The following RSBN1L variants were observed in gnomAD, a reference collection of about 807,000 sequenced individuals.
RSBN1L encodes the protein lysine-specific demethylase RSBN1L.
A neutral mutation model predicts 67.7 loss-of-function variants in RSBN1L; 30 were observed. The observed-to-expected ratio is 0.44, with a 90% confidence interval of 0.33 to 0.60. The LOEUF (loss-of-function observed/expected upper bound fraction) is 0.60, where lower values mean the gene tolerates loss of function less well. RSBN1L is among the 20% of genes least tolerant of loss of function. The probability of loss-of-function intolerance (pLI) is 0.02; values close to 1 mark genes in which losing one functional copy is unlikely to be tolerated. For missense variants in RSBN1L, 992 were observed against 1,031.7 expected, an observed-to-expected ratio of 0.96 and a Z score of 0.53; for synonymous variants, 433 against 387.0, an observed-to-expected ratio of 1.12 and a Z score of -1.39.
chr7:77,741,671 G>A (rs1388487808), intron 2 of RSBN1L, among the ~76,000 whole-genome samples: 2 of 145,608 alleles, frequency 1.4e-5, no homozygotes, highest in African/African-American at 5.2e-5. Context: ...CAACCTGAGT[G>A]ACAGAGCAAG....
chr7:77,735,568 C>T (rs568730507), intron 1 of RSBN1L, among the ~76,000 whole-genome samples: 20 of 152,226 alleles, frequency 1.3e-4, no homozygotes, highest in Middle Eastern at 3.4e-3. Context: ...AGAGATTATG[C>T]AGTATGCATG....
chr7:77,760,256 T>G (rs1221097972), intron 3 of RSBN1L, among the ~76,000 whole-genome samples: 1 of 152,170 alleles, frequency 6.6e-6, no homozygotes, highest in Non-Finnish European at 1.5e-5. Context: ...TTATTTCATT[T>G]TATGTTAACC....
At chr7:77,697,334 TGAG>T in intron 1 of RSBN1L, 1 of 332,794 alleles carries the variant, frequency 3.0e-6, no homozygotes, top group Non-Finnish European at 5.4e-6. Context: ...AAATCCATCT[TGAG>T]GACTCTCCTA....
chr7:77,733,020 G>T (rs1012466579), intron 1 of RSBN1L, among the ~76,000 whole-genome samples: 2 of 152,150 alleles, frequency 1.3e-5, no homozygotes, highest in Non-Finnish European at 2.9e-5. Context: ...TGGGCTGGGC[G>T]TGGTGGCTTA....
chr7:77,696,635 G>T lies in RSBN1L; in HGVS notation c.166G>T (p.Val56Leu). 3.7e-6 allele frequency: 6 copies of T among 1,613,992 alleles called. No individual in the cohort carries two copies. Among genetic ancestry groups the T allele is most frequent in the Non-Finnish European group, 4.2e-6 (5 of 1,179,930 alleles). The change falls in exon 1 of 8, where the codon GTG becomes TTG. Residue 56 changes from valine to leucine, a missense_variant. By Grantham distance (32) the Val-to-Leu change is conservative. Coordinates refer to ENST00000334955, the MANE Select transcript of RSBN1L (RefSeq NM_198467.3). The part of the protein sequence containing the change: ...RTEEKKAPRR[V>L]NGEGGSGGNS... ...TGAGGAGAAGAAGGCACCGCGGAGA[G>T]TGAACGGAGAAGGGGGCAGCGGCGG...
intron 2 of RSBN1L, among the ~76,000 whole-genome samples, chr7:77,739,735 G>A (rs1458015573): frequency 2.7e-5 from 2 of 74,530 alleles, no homozygotes; most frequent in Admixed American, 1.6e-4. Flanking sequence ...AAAAAAAAAT[G>A]TGTCTTTTTT....
rs145968353 is a variant in RSBN1L at position 77,733,835 on chromosome 7, T to G, written c.587-2575T>G. The stretch of plus-strand genomic sequence containing the variant: ...TAGTGAATATATGCTATTAAAAGTT[T>G]ATAGTTGTTGGCTGGGTGTGGTGGC... On this transcript the variant is annotated intron_variant, in intron 1 of 7. Coordinates refer to ENST00000334955, the MANE Select transcript of RSBN1L (RefSeq NM_198467.3). 5.4e-3 allele frequency among the ~76,000 whole-genome samples: 823 copies of G among 152,282 alleles called. 11 individuals carry two copies. Among genetic ancestry groups the G allele is most frequent in the African/African-American group, 0.018 (761 of 41,556 alleles).
At chr7:77,742,180 A>ATACACACACACACAC (rs60910312) in intron 2 of RSBN1L, among the ~76,000 whole-genome samples, 60 of 82,164 alleles carry the variant, frequency 7.3e-4, no homozygotes, top group African/African-American at 2.8e-3. Context: ...AAAAAAAAAA[A>ATACACACACACACAC]ATACACACAC....
Position 77,704,991 on chromosome 7 carries a change from T to TG in RSBN1L, c.586+7936_586+7937insG, listed in dbSNP as rs1554336714. On this transcript the variant is annotated intron_variant, in intron 1 of 7. Transcript: ENST00000334955. ...TGAAACTGTCTCAAAAAAAAAAAAG[T>TG]TGTGTGTGTGTGTGTAAATGTATAA... is the stretch of plus-strand genomic sequence containing the variant. Among the ~76,000 whole-genome samples the TG allele has an allele frequency of 1.1e-4, 16 of 149,240 alleles. 1 individual carries two copies. The highest frequency in any genetic ancestry group is 2.2e-4 in the African/African-American group (9 of 40,360).
At chr7:77,736,673 C>A (rs1041480331) in intron 2 of RSBN1L, 147 bp downstream of exon 2, 1 of 375,166 alleles carries the variant, frequency 2.7e-6, no homozygotes, top group Non-Finnish European at 5.0e-6. Context: ...AATGTAACAA[C>A]GGAGAGTTCT....
At chr7:77,725,990 A>T (rs1791198814) in intron 1 of RSBN1L, among the ~76,000 whole-genome samples, 1 of 151,780 alleles carries the variant, frequency 6.6e-6, no homozygotes. Context: ...CGCTTCTGTT[A>T]TATATTGTTA....
intron 4 of RSBN1L, among the ~76,000 whole-genome samples, 173 bp downstream of exon 4, chr7:77,765,805 A>T (rs1221171841): frequency 1.3e-5 from 2 of 152,208 alleles, no homozygotes; most frequent in African/African-American, 4.8e-5. Flanking sequence ...GAAGGAGAGC[A>T]AGAGATGGGA....
At chr7:77,727,307 G>A (rs1430103741) in intron 1 of RSBN1L, among the ~76,000 whole-genome samples, 1 of 151,696 alleles carries the variant, frequency 6.6e-6, no homozygotes, top group African/African-American at 2.4e-5. Context: ...GGCTGGTCTC[G>A]AACTCCCGAC....
Position 77,710,605 on chromosome 7 carries a change from G to GT in RSBN1L, c.586+13558dup, listed in dbSNP as rs200870010. 8.3e-3 allele frequency among the ~76,000 whole-genome samples: 1,263 copies of GT among 151,494 alleles called. 9 individuals carry two copies. Among genetic ancestry groups the GT allele is most frequent in the Non-Finnish European group, 0.013 (889 of 67,792 alleles). ...TGCTTCATTTTCTTGTTTGTTTTTT[G>GT]TTTTTTTTGAGATAGAGTCTCGCTC... is the stretch of plus-strand genomic sequence containing the variant. On this transcript the variant is annotated intron_variant, in intron 1 of 7. Transcript: ENST00000334955.
chr7:77,782,189 A>G lies in RSBN1L; in HGVS notation c.*3021A>G, dbSNP rs1370214427. ...TTCTATTTTAATATTGCATTATATT[A>G]ATGGTTTCATAGTACATTCCAGTTC... On this transcript the variant is annotated 3_prime_UTR_variant, in exon 8 of 8. Transcript: ENST00000334955. The G allele has an allele frequency of 6.6e-6, 1 of 152,116 alleles. No homozygotes were observed. The highest frequency in any genetic ancestry group is 1.5e-5 in the Non-Finnish European group (1 of 68,022). The allele number at this position is 152,116 out of a possible 1,614,324, so 9.4% of individuals were successfully genotyped here.
At chr7:77,730,934 T>G (rs1791264392) in intron 1 of RSBN1L, among the ~76,000 whole-genome samples, 1 of 152,234 alleles carries the variant, frequency 6.6e-6, no homozygotes, top group South Asian at 2.1e-4. Flanking sequence ...ATATTTAGTT[T>G]TGTAATAAAC....
At chr7:77,746,055 T>C (rs1791480170) in intron 2 of RSBN1L, among the ~76,000 whole-genome samples, 1 of 152,180 alleles carries the variant, frequency 6.6e-6, no homozygotes, top group Non-Finnish European at 1.5e-5. Context: ...CACCTCCTGC[T>C]GTGTGGCCTA....
At chr7:77,719,272 A>T (rs1232112358) in intron 1 of RSBN1L, among the ~76,000 whole-genome samples, 1 of 152,212 alleles carries the variant, frequency 6.6e-6, no homozygotes, top group Non-Finnish European at 1.5e-5. Flanking sequence ...ACAACTTTTA[A>T]AAAATGTAGA....
chr7:77,701,058 T>C lies in RSBN1L; in HGVS notation c.586+4003T>C, dbSNP rs1457679612. Among the ~76,000 whole-genome samples the C allele has an allele frequency of 2.0e-5, 3 of 149,430 alleles. No homozygotes were observed. The South Asian group carries it at 6.3e-4, about 31-fold the overall frequency. On this transcript the variant is annotated intron_variant, in intron 1 of 7. Coordinates refer to ENST00000334955, the MANE Select transcript of RSBN1L (RefSeq NM_198467.3). ...CTATAGTCTCAGCTACCTGGGAGGC[T>C]GAGGCATCGCTTGAACCCAGGAGGC...
Sources: allele counts gnomAD v4.1 joint callset (sites outside exome capture counted in the v4.1 genomes callset), GRCh38; gene constraint gnomAD v4.1.1; transcripts MANE v1.5; gene names NCBI Gene and HGNC (gene_info 2026-07-23, HGNC 2026-07-21).